ZMAT4: variants seen among roughly 807,000 people sequenced by gnomAD.
ZMAT4 encodes the protein zinc finger matrin-type 4, also known as zinc finger matrin-type protein 4.
ZMAT4 carries 17 observed loss-of-function variants against 28.7 expected under a neutral mutation model. That is an observed-to-expected ratio of 0.59 (90% CI 0.41 to 0.89). ZMAT4 has a LOEUF of 0.89. Among genes scored for constraint, ZMAT4 ranks in the 40% least tolerant of loss-of-function variants. ZMAT4 has a pLI of 0.00. For missense variants in ZMAT4, 240 were observed against 283.8 expected, an observed-to-expected ratio of 0.85 and a Z score of 1.11; for synonymous variants, 117 against 109.2, an observed-to-expected ratio of 1.07 and a Z score of -0.44.
chr8:40,778,107 A>G lies in ZMAT4; in HGVS notation c.103-10377T>C, dbSNP rs145073210. Among the ~76,000 whole-genome samples, 1,027 of 152,318 alleles carry G rather than the reference A, an allele frequency of 6.7e-3. 17 individuals carry two copies. Among genetic ancestry groups the G allele is most frequent in the African/African-American group, 0.023 (965 of 41,566 alleles). ...CTTAAACAAAACTCGCTTTAAACAG[A>G]GCAATAATAGAAGAAAAAGTTGGAT... On this transcript the variant is annotated intron_variant, in intron 2 of 6. Transcript: ENST00000297737.
chr8:40,648,689 C>T (rs1298688619), intron 5 of ZMAT4, among the ~76,000 whole-genome samples: 2 of 75,174 alleles, frequency 2.7e-5, no homozygotes, highest in East Asian at 5.0e-4. Context: ...GTCGGGTTAC[C>T]CTCAAAGGGA....
intron 2 of ZMAT4, among the ~76,000 whole-genome samples, chr8:40,799,986 A>G (rs559732075): frequency 6.6e-6 from 1 of 152,348 alleles, no homozygotes; most frequent in East Asian, 1.9e-4. Context: ...AAAATGCTCA[A>G]TAGAAACCAG....
intron 3 of ZMAT4, among the ~76,000 whole-genome samples, chr8:40,704,647 C>A (rs1450323643): frequency 1.3e-5 from 2 of 152,214 alleles, no homozygotes; most frequent in Admixed American, 1.3e-4. Context: ...TAGCCAGTGC[C>A]TGACACAGGT....
chr8:40,891,102 G>T (rs568725091), intron 1 of ZMAT4, among the ~76,000 whole-genome samples: 1 of 150,206 alleles, frequency 6.7e-6, no homozygotes, highest in South Asian at 2.2e-4. Flanking sequence ...GGGAGCTAAG[G>T]TGGGAGGATT....
rs138480275 is a variant in ZMAT4 at position 40,591,324 on chromosome 8, A to G, written c.578-10063T>C. On this transcript the variant is annotated intron_variant, in intron 5 of 6. Transcript: ENST00000297737. ...CTAATCTGCTGTCTCACCTTCATGC[A>G]TGGGGCAAGGCCAAGCCCATAGGTA... 2.0e-3 allele frequency among the ~76,000 whole-genome samples: 307 copies of G among 152,310 alleles called. 1 individual carries two copies. Among genetic ancestry groups the G allele is most frequent in the African/African-American group, 6.9e-3 (287 of 41,570 alleles).
chr8:40,659,011 A>G (rs1044159439), intron 5 of ZMAT4, among the ~76,000 whole-genome samples: 14 of 152,170 alleles, frequency 9.2e-5, no homozygotes, highest in African/African-American at 3.4e-4. Context: ...TAGCATTAGT[A>G]GAAATGGATC....
At chr8:40,826,180 C>T (rs957808309) in intron 1 of ZMAT4, among the ~76,000 whole-genome samples, 1 of 152,140 alleles carries the variant, frequency 6.6e-6, no homozygotes, top group Non-Finnish European at 1.5e-5. Flanking sequence ...GTTGTAAGCA[C>T]CTAATATATC....
chr8:40,665,488 C>G (rs1006918037), intron 5 of ZMAT4, among the ~76,000 whole-genome samples: 4 of 152,032 alleles, frequency 2.6e-5, no homozygotes, highest in African/African-American at 9.7e-5. Context: ...CTCACCCAGG[C>G]CCCCATGAAT....
chr8:40,741,845 T>C (rs1198924007), intron 3 of ZMAT4, among the ~76,000 whole-genome samples: 7 of 152,164 alleles, frequency 4.6e-5, no homozygotes, highest in Non-Finnish European at 1.5e-5. Context: ...ATTGGTTAAA[T>C]ATATTAGAAA....
intron 1 of ZMAT4, among the ~76,000 whole-genome samples, chr8:40,858,824 A>G (rs759734902): frequency 1.5e-4 from 23 of 152,156 alleles, no homozygotes; most frequent in Admixed American, 7.2e-4. Flanking sequence ...CCATATCAAC[A>G]TGATCAAATA....
chr8:40,702,142 A>G (rs1280964388), intron 3 of ZMAT4, among the ~76,000 whole-genome samples: 1 of 152,122 alleles, frequency 6.6e-6, no homozygotes, highest in African/African-American at 2.4e-5. Context: ...CCAACCCCTC[A>G]ATCTTGGACT....
intron 2 of ZMAT4, among the ~76,000 whole-genome samples, chr8:40,770,536 T>A (rs187651947): frequency 1.5e-5 from 2 of 137,076 alleles, no homozygotes; most frequent in Non-Finnish European, 3.1e-5. Context: ...CTCCCTTTCT[T>A]TCTTTCTCTC....
chr8:40,782,294 G>A (rs1029478440), intron 2 of ZMAT4, among the ~76,000 whole-genome samples: 1 of 152,066 alleles, frequency 6.6e-6, no homozygotes, highest in African/African-American at 2.4e-5. Context: ...GCTGAGGCAG[G>A]AGAATCACTT....
intron 6 of ZMAT4, among the ~76,000 whole-genome samples, chr8:40,560,227 C>T (rs1429474551): frequency 6.7e-6 from 1 of 148,372 alleles, no homozygotes; most frequent in East Asian, 2.0e-4. Flanking sequence ...AAAATTTGAC[C>T]AAGGGAAATT....
chr8:40,896,062 AC>A lies in ZMAT4; in HGVS notation c.-5+1620del, dbSNP rs61137558. Among the ~76,000 whole-genome samples the A allele has an allele frequency of 4.7e-5, 7 of 150,398 alleles. 1 individual carries two copies. The highest frequency in any genetic ancestry group is 3.3e-4 in the Admixed American group (5 of 15,080). On this transcript the variant is annotated intron_variant, in intron 1 of 6. Transcript: ENST00000297737. Reference sequence around the variant, plus strand: ...AAGAGAACGCTGATGGTATTTTGACACCCCCCCCAAAAAAAAAGTGGGCAGG... The same window carrying A: ...AAGAGAACGCTGATGGTATTTTGACACCCCCCCAAAAAAAAAGTGGGCAGG...
rs563786971 is a variant in ZMAT4 at position 40,688,946 on chromosome 8, A to T, written c.349+8299T>A. 3.9e-5 allele frequency among the ~76,000 whole-genome samples: 6 copies of T among 152,280 alleles called. No individual in the cohort carries two copies. In the South Asian group the frequency reaches 1.2e-3, roughly 32 times the overall value. On this transcript the variant is annotated intron_variant, in intron 4 of 6. Coordinates refer to ENST00000297737, the MANE Select transcript of ZMAT4 (RefSeq NM_024645.3). ...GTTGAGTTGTCTGAGAGGCAAAGGG[A>T]TCTGAATGTCAAAGAGGAGTATGCC...
intron 5 of ZMAT4, among the ~76,000 whole-genome samples, chr8:40,655,832 G>C (rs1807895661): frequency 6.6e-6 from 1 of 152,034 alleles, no homozygotes; most frequent in Admixed American, 6.6e-5. Flanking sequence ...AATGTAAGAA[G>C]TAAAACTATG....
chr8:40,572,695 C>A (rs1804136372), intron 6 of ZMAT4, among the ~76,000 whole-genome samples: 1 of 152,260 alleles, frequency 6.6e-6, no homozygotes, highest in South Asian at 2.1e-4. Context: ...TACTAATAGG[C>A]AATTGCTTTA....
intron 5 of ZMAT4, among the ~76,000 whole-genome samples, chr8:40,624,343 G>A (rs1165849817): frequency 6.6e-6 from 1 of 152,208 alleles, no homozygotes; most frequent in African/African-American, 2.4e-5. Flanking sequence ...CAACTAGGAT[G>A]AGAACTCTCA....
Sources: gnomAD v4.1 joint callset for allele counts (sites outside exome capture counted in the v4.1 genomes callset) on GRCh38, gnomAD v4.1.1 for gene constraint, MANE v1.5 for transcripts, NCBI Gene and HGNC (gene_info 2026-07-23, HGNC 2026-07-21) for gene names.